PHC3: variants seen among roughly 807,000 people sequenced by gnomAD.
PHC3 encodes polyhomeotic homolog 3.
In PHC3, 13 loss-of-function variants were observed where a neutral mutation model predicts 107.4. That is an observed-to-expected ratio of 0.12 (90% CI 0.08 to 0.19). The LOEUF (loss-of-function observed/expected upper bound fraction) is 0.19, where lower values mean the gene tolerates loss of function less well. Ranked by LOEUF, PHC3 falls within the 10% of genes least tolerant of loss-of-function variation. The pLI is 1.00. For synonymous variants in PHC3, 456 were observed against 427.4 expected, an observed-to-expected ratio of 1.07 and a Z score of -0.83; for missense variants, 992 against 1,210.9, an observed-to-expected ratio of 0.82 and a Z score of 2.68.
chr3:170,168,503 C>T (rs1049236598), intron 4 of PHC3, among the ~76,000 whole-genome samples: 11 of 151,740 alleles, frequency 7.2e-5, no homozygotes, highest in Admixed American at 6.6e-5. Context: ...CGGTGGCTCA[C>T]GCCTGTAATC....
intron 2 of PHC3, among the ~76,000 whole-genome samples, chr3:170,178,431 G>A (rs1421767538): frequency 2.0e-5 from 3 of 152,164 alleles, no homozygotes; most frequent in Non-Finnish European, 1.5e-5. Context: ...GCGCCCGGCC[G>A]ACTAAAGGAA....
chr3:170,141,753 A>C (rs544997730), intron 6 of PHC3, among the ~76,000 whole-genome samples: 9 of 152,212 alleles, frequency 5.9e-5, no homozygotes, highest in Non-Finnish European at 1.0e-4. Context: ...CTGGGACTAC[A>C]GGCCCGCACC....
chr3:170,099,085 T>G (rs992237826), intron 14 of PHC3, among the ~76,000 whole-genome samples: 3 of 152,170 alleles, frequency 2.0e-5, no homozygotes, highest in Admixed American at 2.0e-4. Context: ...GGGTGGGACT[T>G]ACTTAGATTC....
chr3:170,146,944 G>A (rs1366209444), intron 5 of PHC3, among the ~76,000 whole-genome samples: 12 of 145,252 alleles, frequency 8.3e-5, no homozygotes, highest in African/African-American at 2.3e-4. Flanking sequence ...GTGCAATGGC[G>A]CGATGTCCGC....
intron 5 of PHC3, among the ~76,000 whole-genome samples, chr3:170,145,932 CAA>C (rs1412272432): frequency 3.3e-5 from 5 of 152,038 alleles, no homozygotes; most frequent in Admixed American, 6.6e-5. Flanking sequence ...CAGTGAGAAA[CAA>C]AAAGAAACAC....
Position 170,153,032 on chromosome 3 carries a change from C to T in PHC3, c.415-3788G>A, listed in dbSNP as rs73032522. Among the ~76,000 whole-genome samples the T allele has an allele frequency of 7.9e-3, 1,210 of 152,288 alleles. 13 individuals are homozygous for T. The highest frequency in any genetic ancestry group is 0.027 in the African/African-American group (1,116 of 41,554). On this transcript the variant is annotated intron_variant, in intron 4 of 14. Transcript: ENST00000495893. ...GTTTCAAACAATTCAATCCTGATGA[C>T]TCTTGATTCTTAACTATAAACCCTT...
At chr3:170,102,033 T>C (rs1480370839) in intron 14 of PHC3, 1 of 639,122 alleles carries the variant, frequency 1.6e-6, no homozygotes, top group African/African-American at 2.0e-5. Flanking sequence ...TAAAAGGTTT[T>C]GATTAGCTTT....
At chr3:170,164,202 A>AAAAC (rs747179232) in intron 4 of PHC3, among the ~76,000 whole-genome samples, 59 of 152,272 alleles carry the variant, frequency 3.9e-4, no homozygotes, top group African/African-American at 1.3e-3. Flanking sequence ...TCTCCTAACA[A>AAAAC]AAACAAACAA....
intron 14 of PHC3, chr3:170,102,050 T>C (rs1251922507): frequency 1.3e-6 from 1 of 798,526 alleles, no homozygotes; most frequent in South Asian, 5.7e-5. Flanking sequence ...CTTTCAAAAA[T>C]GTAAAAAAAA....
chr3:170,176,098 T>C (rs1193641534), intron 2 of PHC3, among the ~76,000 whole-genome samples: 1 of 151,380 alleles, frequency 6.6e-6, no homozygotes, highest in African/African-American at 2.4e-5. Context: ...TGCTGGCACA[T>C]GCCTGTAGTC....
rs772841922 is a variant in PHC3 at position 170,090,649 on chromosome 3, C to T, written c.*6581G>A. The T allele has an allele frequency of 7.9e-5, 12 of 151,938 alleles. No homozygotes were observed. The highest frequency in any genetic ancestry group is 1.5e-4 in the Non-Finnish European group (10 of 67,974). 9.4% of individuals were successfully genotyped at this position (151,938 alleles called of 1,614,324 possible). A position where few individuals can be genotyped will look rare whatever the true frequency, so the allele number is the denominator to read the frequency against. ...GGAAAGAGAATAAAGTAGGAATAAC[C>T]CCATTACACAGCCTAGAATCATAGT... On this transcript the variant is annotated 3_prime_UTR_variant, in exon 15 of 15. Coordinates refer to ENST00000495893, the MANE Select transcript of PHC3 (RefSeq NM_024947.4).
chr3:170,103,051 G>T, intron 12 of PHC3, 117 bp from the exon 13 acceptor site: 1 of 1,030,774 alleles, frequency 9.7e-7, no homozygotes, highest in Non-Finnish European at 1.4e-6. Context: ...CATCATTAAT[G>T]AATGTAAGAC....
At chr3:170,123,633 A>T in intron 8 of PHC3, among the ~76,000 whole-genome samples, 1 of 151,844 alleles carries the variant, frequency 6.6e-6, no homozygotes, top group East Asian at 2.0e-4. Context: ...TACTTAAAAA[A>T]ATACAAAAAA....
At chr3:170,181,634 G>T (rs1731455145) in intron 1 of PHC3, 68 bp downstream of exon 1, 1 of 1,608,564 alleles carries the variant, frequency 6.2e-7, no homozygotes. Context: ...GCTTTCCCCT[G>T]GGGGAACGTG....
chr3:170,136,773 A>G, intron 6 of PHC3, 108 bp from the exon 7 acceptor site: 4 of 1,182,790 alleles, frequency 3.4e-6, no homozygotes, highest in South Asian at 3.1e-5. Flanking sequence ...TATGCTTTTC[A>G]TACGTAAAGC....
intron 8 of PHC3, among the ~76,000 whole-genome samples, 167 bp from the exon 9 acceptor site, chr3:170,122,911 T>C (rs1720625272): frequency 6.6e-6 from 1 of 152,218 alleles, no homozygotes; most frequent in Non-Finnish European, 1.5e-5. Flanking sequence ...GAATGAAGTT[T>C]TTCATATTTC....
intron 4 of PHC3, among the ~76,000 whole-genome samples, chr3:170,157,340 G>A (rs910076625): frequency 6.6e-6 from 1 of 152,224 alleles, no homozygotes; most frequent in Non-Finnish European, 1.5e-5. Context: ...AGGATAAGAT[G>A]TGGAGGGGTA....
chr3:170,136,979 A>G (rs1173234230), intron 6 of PHC3, among the ~76,000 whole-genome samples: 1 of 152,150 alleles, frequency 6.6e-6, no homozygotes, highest in Non-Finnish European at 1.5e-5. Flanking sequence ...AGGATCATAA[A>G]GAACTAAATA....
intron 10 of PHC3, among the ~76,000 whole-genome samples, chr3:170,113,929 T>C (rs906438497): frequency 4.0e-5 from 6 of 151,346 alleles, no homozygotes; most frequent in Non-Finnish European, 8.9e-5. Context: ...AGAGTTGGGT[T>C]TTTTTTTTAA....
Sources: gnomAD v4.1 joint callset for allele counts (sites outside exome capture counted in the v4.1 genomes callset) on GRCh38, gnomAD v4.1.1 for gene constraint, MANE v1.5 for transcripts, NCBI Gene and HGNC (gene_info 2026-07-23, HGNC 2026-07-21) for gene names.